SAMD4A: variants seen among roughly 807,000 people sequenced by gnomAD.
SAMD4A encodes the protein protein Smaug homolog 1.
A neutral mutation model predicts 81.3 loss-of-function variants in SAMD4A; 33 were observed. The observed-to-expected ratio is 0.41, with a 90% CI of 0.31 to 0.54. The LOEUF (loss-of-function observed/expected upper bound fraction) is 0.54, where lower values mean the gene tolerates loss of function less well. Among genes scored for constraint, SAMD4A ranks in the 20% least tolerant of loss-of-function variants. SAMD4A has a pLI of 0.37. For missense variants in SAMD4A, 854 were observed against 951.1 expected, an observed-to-expected ratio of 0.90 and a Z score of 1.34; for synonymous variants, 389 against 382.1, an observed-to-expected ratio of 1.02 and a Z score of -0.21.
intron 12 of SAMD4A, among the ~76,000 whole-genome samples, chr14:54,785,200 G>T (rs2039104695): frequency 6.6e-6 from 1 of 152,246 alleles, no homozygotes; most frequent in Non-Finnish European, 1.5e-5. Context: ...GGGACAGGTT[G>T]AGTTAGAGGC....
intron 3 of SAMD4A, among the ~76,000 whole-genome samples, chr14:54,716,963 T>C (rs2037134685): frequency 6.6e-6 from 1 of 152,122 alleles, no homozygotes; most frequent in Admixed American, 6.6e-5. Context: ...TTAGAGAACT[T>C]GCTGAGGAGA....
intron 2 of SAMD4A, among the ~76,000 whole-genome samples, chr14:54,602,683 A>G (rs1002444651): frequency 1.3e-5 from 2 of 151,862 alleles, no homozygotes; most frequent in East Asian, 1.9e-4. Context: ...GCATTAGGAG[A>G]TATACCTAAT....
chr14:54,696,617 T>C (rs944265372), intron 2 of SAMD4A, among the ~76,000 whole-genome samples: 3 of 152,256 alleles, frequency 2.0e-5, no homozygotes, highest in Non-Finnish European at 2.9e-5. Context: ...CCCTTAAGCA[T>C]TGACATACCA....
In SAMD4A at chr14:54,789,047, G is replaced by C; in HGVS notation, c.*103G>C. ...ACAGAATCCTCCAAGATACTTTGCAGCCTTTTTTCCCCCTGGTCCCTCTCC... is the reference window on the plus strand; with the variant it reads ...ACAGAATCCTCCAAGATACTTTGCACCCTTTTTTCCCCCTGGTCCCTCTCC... On this transcript the variant is annotated 3_prime_UTR_variant, in exon 13 of 13. Transcript: ENST00000554335. The C allele has an allele frequency of 1.5e-6, 2 of 1,343,186 alleles. No homozygotes were observed. The highest frequency in any genetic ancestry group is 1.1e-6 in the Non-Finnish European group (1 of 936,756). The allele number at this position is 1,343,186 out of a possible 1,614,324, so 83.2% of individuals were successfully genotyped here. A position where few individuals can be genotyped will look rare whatever the true frequency, so the allele number is the denominator to read the frequency against.
intron 8 of SAMD4A, among the ~76,000 whole-genome samples, chr14:54,765,882 C>T (rs181090077): frequency 1.3e-5 from 2 of 152,110 alleles, no homozygotes; most frequent in Non-Finnish European, 1.5e-5. Flanking sequence ...TCCATCCCAG[C>T]TCCCCCTTCC....
intron 2 of SAMD4A, among the ~76,000 whole-genome samples, chr14:54,662,230 C>A (rs1312011827): frequency 6.6e-6 from 1 of 152,126 alleles, no homozygotes; most frequent in African/African-American, 2.4e-5. Flanking sequence ...AGATCAATGG[C>A]AGATTGAAAT....
intron 2 of SAMD4A, among the ~76,000 whole-genome samples, chr14:54,626,075 C>CGCGA (rs2034756135): frequency 7.2e-6 from 1 of 138,952 alleles, no homozygotes; most frequent in Non-Finnish European, 1.5e-5. Context: ...CGCGCGCGCG[C>CGCGA]GAGTGCGCAC....
chr14:54,626,066 G>GCA lies in SAMD4A; in HGVS notation c.196+57955_196+57956insAC, dbSNP rs1555337644. Among the ~76,000 whole-genome samples, 387 of 93,648 alleles carry GCA rather than the reference G, an allele frequency of 4.1e-3. 3 individuals are homozygous for GCA. The highest frequency in any genetic ancestry group is 2.8e-3 in the Non-Finnish European group (117 of 42,516). 61.4% of individuals were successfully genotyped at this position (93,648 alleles called of 152,430 possible). A position where few individuals can be genotyped will look rare whatever the true frequency, so the allele number is the denominator to read the frequency against. ...TGTGTGTGTGTGTGTGTGTGCGCGC[G>GCA]CGCGCGCGCGAGTGCGCACATGTGC... On this transcript the variant is annotated intron_variant, in intron 2 of 12. Coordinates refer to ENST00000554335, the MANE Select transcript of SAMD4A (RefSeq NM_015589.6).
chr14:54,711,323 A>G (rs2036984266), intron 3 of SAMD4A, among the ~76,000 whole-genome samples: 1 of 152,178 alleles, frequency 6.6e-6, no homozygotes, highest in Non-Finnish European at 1.5e-5. Flanking sequence ...TTTTAAAAAC[A>G]TACCTTGATT....
chr14:54,773,232 C>T (rs1455828506), intron 9 of SAMD4A, among the ~76,000 whole-genome samples: 2 of 152,202 alleles, frequency 1.3e-5, no homozygotes, highest in African/African-American at 4.8e-5. Flanking sequence ...GCACTGCTGG[C>T]TCAGATGCCC....
In SAMD4A at chr14:54,751,552, G is replaced by A. The variant is rs1212529671; in HGVS notation, c.1176+15G>A. 2.0e-6 allele frequency: 3 copies of A among 1,515,036 alleles called. No homozygotes were observed. Among genetic ancestry groups the A allele is most frequent in the Non-Finnish European group, 2.7e-6 (3 of 1,094,240 alleles). 93.8% of individuals were successfully genotyped at this position (1,515,036 alleles called of 1,614,324 possible). Reference sequence around the variant, plus strand: ...CTTTGGAAAGGGTAAGTTATCGGATGAGGGAACATTTCCACTTTCATTATG... The same window carrying A: ...CTTTGGAAAGGGTAAGTTATCGGATAAGGGAACATTTCCACTTTCATTATG... On this transcript the variant is annotated intron_variant, in intron 6 of 12. Coordinates refer to ENST00000554335, the MANE Select transcript of SAMD4A (RefSeq NM_015589.6).
chr14:54,702,527 C>G lies in SAMD4A; in HGVS notation c.662C>G (p.Ser221Cys). The G allele has an allele frequency of 6.2e-7, 1 of 1,614,158 alleles. No homozygotes were observed. Among genetic ancestry groups the G allele is most frequent in the Non-Finnish European group, 8.5e-7 (1 of 1,179,992 alleles). Residue 221 changes from serine (S) to cysteine (C), a missense_variant, in exon 3 of 13, where the codon TCC becomes TGC. By Grantham distance (112) the Ser-to-Cys change is moderately radical (BLOSUM62 -1). Coordinates refer to ENST00000554335, the MANE Select transcript of SAMD4A (RefSeq NM_015589.6). ...GCENGHVPLY[S>C]SSSVPTTINT... is the part of the protein sequence containing the mutation. ...GAGAATGGCCATGTGCCCCTCTACT[C>G]CTCCTCATCTGTCCCCACCACAATC...
rs115712460 is a variant in SAMD4A, at chr14:54,671,488, G to A, written c.197-30574G>A. ...GTTAAATGAGTTTGTCAAAGGACAG[G>A]TATAGATTTGGCCTTCAAGGAGAGG... is the stretch of plus-strand genomic sequence containing the variant. On this transcript the variant is annotated intron_variant, in intron 2 of 12. Transcript: ENST00000554335. Among the ~76,000 whole-genome samples, 519 of 152,322 alleles carry A rather than the reference G, an allele frequency of 3.4e-3. 6 individuals carry two copies. Among genetic ancestry groups the A allele is most frequent in the African/African-American group, 0.012 (499 of 41,566 alleles).
chr14:54,760,627 A>T, intron 7 of SAMD4A, 133 bp downstream of exon 7: 1 of 1,329,836 alleles, frequency 7.5e-7, no homozygotes, highest in Non-Finnish European at 9.6e-7. Flanking sequence ...TCTTACAGAT[A>T]GGGAAAGTGC....
At chr14:54,715,353 A>G (rs2037092117) in intron 3 of SAMD4A, among the ~76,000 whole-genome samples, 1 of 152,078 alleles carries the variant, frequency 6.6e-6, no homozygotes, top group Admixed American at 6.6e-5. Flanking sequence ...AGAATCTTCA[A>G]CTCAGAGAGT....
intron 2 of SAMD4A, chr14:54,694,705 C>G (rs2036535744): frequency 1.0e-6 from 1 of 985,314 alleles, no homozygotes; most frequent in Non-Finnish European, 1.2e-6. Flanking sequence ...CAGCCTCAGA[C>G]CTCCTGACTG....
intron 4 of SAMD4A, among the ~76,000 whole-genome samples, chr14:54,745,143 C>G (rs2037936225): frequency 6.6e-6 from 1 of 152,242 alleles, no homozygotes; most frequent in Admixed American, 6.5e-5. Flanking sequence ...CACCATCCGC[C>G]AGGCCAGCCT....
At chr14:54,609,613 T>G (rs1312601289) in intron 2 of SAMD4A, among the ~76,000 whole-genome samples, 1 of 152,204 alleles carries the variant, frequency 6.6e-6, no homozygotes, top group Non-Finnish European at 1.5e-5. Context: ...ATTTATGACG[T>G]CTGGAAAGGA....
rs1038296335 is a variant in SAMD4A, at chr14:54,792,857, C to T, written c.*3913C>T. On this transcript the variant is annotated 3_prime_UTR_variant, in exon 13 of 13. Coordinates refer to ENST00000554335, the MANE Select transcript of SAMD4A (RefSeq NM_015589.6). ...TTAATAATGTCGAACAGAAAACTTC[C>T]TCCCTTATTAATATATAATCCTCAT... is the stretch of plus-strand genomic sequence containing the variant. The T allele has an allele frequency of 6.6e-6, 1 of 152,098 alleles. No individual in the cohort carries two copies. Among genetic ancestry groups the T allele is most frequent in the Non-Finnish European group, 1.5e-5 (1 of 68,022 alleles). The allele number at this position is 152,098 out of a possible 1,614,324, so 9.4% of individuals were successfully genotyped here.
Sources: gnomAD v4.1 joint callset for allele counts (sites outside exome capture counted in the v4.1 genomes callset) on GRCh38, gnomAD v4.1.1 for gene constraint, MANE v1.5 for transcripts, NCBI Gene and HGNC (gene_info 2026-07-23, HGNC 2026-07-21) for gene names.